The following RABGAP1L variants were observed in gnomAD, a reference collection of about 807,000 sequenced individuals.
RABGAP1L encodes rab GTPase-activating protein 1-like.
A neutral mutation model predicts 137.7 loss-of-function variants in RABGAP1L; 63 were observed. The ratio of observed to expected loss-of-function variants is 0.46; its 90% CI spans 0.37 to 0.56. RABGAP1L has a LOEUF of 0.56. Among genes scored for constraint, RABGAP1L ranks in the 20% least tolerant of loss-of-function variants. The pLI is 0.00. For synonymous variants in RABGAP1L, 431 were observed against 433.7 expected (o/e 0.99, Z 0.08); for missense variants, 1,095 against 1,244.0 (o/e 0.88, Z 1.80).
intron 15 of RABGAP1L, among the ~76,000 whole-genome samples, chr1:174,694,716 G>A (rs1295443617): frequency 6.6e-6 from 1 of 151,966 alleles, no homozygotes; most frequent in Non-Finnish European, 1.5e-5. Flanking sequence ...TATATACCGA[G>A]TAATGGGATG....
intron 13 of RABGAP1L, among the ~76,000 whole-genome samples, chr1:174,450,904 C>G (rs1046133102): frequency 6.6e-6 from 1 of 152,180 alleles, no homozygotes; most frequent in East Asian, 1.9e-4. Flanking sequence ...TGTTTGCACC[C>G]TGGTGGTTTG....
At chr1:174,866,897 T>G (rs1651348208) in intron 19 of RABGAP1L, among the ~76,000 whole-genome samples, 1 of 151,860 alleles carries the variant, frequency 6.6e-6, no homozygotes, top group Admixed American at 6.6e-5. Context: ...TGGACAATAG[T>G]GAGACCCTGT....
At chr1:174,342,030 G>A (rs1682019762) in intron 11 of RABGAP1L, among the ~76,000 whole-genome samples, 2 of 152,008 alleles carry the variant, frequency 1.3e-5, no homozygotes, top group Admixed American at 1.3e-4. Context: ...TTCAATTTAT[G>A]TGTAAGTATA....
intron 15 of RABGAP1L, among the ~76,000 whole-genome samples, chr1:174,689,782 T>G (rs1446489600): frequency 6.6e-6 from 1 of 152,096 alleles, no homozygotes; most frequent in Non-Finnish European, 1.5e-5. Flanking sequence ...GCCCAGGTCT[T>G]TAGTCAAGAT....
At chr1:174,185,226 A>G (rs532608969) in intron 1 of RABGAP1L, among the ~76,000 whole-genome samples, 21 of 152,320 alleles carry the variant, frequency 1.4e-4, no homozygotes, top group Admixed American at 7.8e-4. Context: ...TTTTAGATCT[A>G]TTAGGTTGGT....
chr1:174,713,647 AC>A (rs1302630675), intron 17 of RABGAP1L, among the ~76,000 whole-genome samples: 4 of 152,142 alleles, frequency 2.6e-5, no homozygotes, highest in Non-Finnish European at 5.9e-5. Context: ...TGAGGCCCTC[AC>A]CAGCAGCAGA....
chr1:174,750,597 G>A (rs867756045), intron 17 of RABGAP1L, among the ~76,000 whole-genome samples: 9 of 152,270 alleles, frequency 5.9e-5, no homozygotes, highest in Middle Eastern at 3.4e-3. Flanking sequence ...CAAGGTAGCT[G>A]AACATGGAGT....
chr1:174,902,412 G>T (rs888678277), intron 19 of RABGAP1L, among the ~76,000 whole-genome samples: 2 of 152,220 alleles, frequency 1.3e-5, no homozygotes, highest in African/African-American at 4.8e-5. Context: ...GTCTTAACTT[G>T]TGAGGTGCTG....
chr1:174,422,663 T>C (rs1001621030), intron 13 of RABGAP1L, among the ~76,000 whole-genome samples: 2 of 152,018 alleles, frequency 1.3e-5, no homozygotes, highest in African/African-American at 4.8e-5. Context: ...TTTAAGATTT[T>C]TTTTCTCTAG....
intron 1 of RABGAP1L, among the ~76,000 whole-genome samples, chr1:174,176,204 T>C (rs1393700999): frequency 6.6e-6 from 1 of 152,200 alleles, no homozygotes; most frequent in Non-Finnish European, 1.5e-5. Flanking sequence ...ATTCTACAGT[T>C]GGTAGTTTTA....
At chr1:174,898,745 T>A (rs954609179) in intron 19 of RABGAP1L, among the ~76,000 whole-genome samples, 2 of 152,210 alleles carry the variant, frequency 1.3e-5, no homozygotes, top group Non-Finnish European at 2.9e-5. Context: ...ATGTTAACAA[T>A]GTTTTAATAA....
chr1:174,917,809 C>T (rs1041046007), intron 19 of RABGAP1L, among the ~76,000 whole-genome samples: 3 of 151,826 alleles, frequency 2.0e-5, no homozygotes, highest in Non-Finnish European at 2.9e-5. Context: ...GGCGATTACC[C>T]GTGATCCCAG....
chr1:174,558,118 A>G (rs1666995545), intron 13 of RABGAP1L, among the ~76,000 whole-genome samples: 1 of 152,232 alleles, frequency 6.6e-6, no homozygotes, highest in African/African-American at 2.4e-5. Flanking sequence ...GAAGAGAGAA[A>G]AATTTTAAGT....
rs1671817046 is a variant in RABGAP1L at position 174,988,682 on chromosome 1, CAAG to C, written c.2848_2850del (p.Lys950del). The stretch of plus-strand genomic sequence containing the variant: ...GCAAACACTGCAGTGACATTTTCAG[CAAG>C]GAGGGTGCTTTGAAACTAGCAGCCA... On this transcript the variant is annotated inframe_deletion, in exon 25 of 26. Transcript: ENST00000681986. 2.3e-5 allele frequency: 35 copies of C among 1,547,968 alleles called. No homozygotes were observed. Among genetic ancestry groups the C allele is most frequent in the Non-Finnish European group, 2.9e-5 (33 of 1,145,844 alleles).
intron 13 of RABGAP1L, among the ~76,000 whole-genome samples, chr1:174,455,678 AATT>A (rs1655964544): frequency 6.6e-6 from 1 of 152,092 alleles, no homozygotes; most frequent in African/African-American, 2.4e-5. Flanking sequence ...ACATCTTCAC[AATT>A]ATTCATTTAC....
At chr1:174,360,666 A>G (rs1684061660) in intron 11 of RABGAP1L, among the ~76,000 whole-genome samples, 2 of 152,140 alleles carry the variant, frequency 1.3e-5, no homozygotes, top group Admixed American at 6.5e-5. Flanking sequence ...ACAGTATACA[A>G]CATCTGAGGA....
intron 13 of RABGAP1L, among the ~76,000 whole-genome samples, chr1:174,438,852 GT>G (rs909935009): frequency 6.8e-6 from 1 of 147,282 alleles, no homozygotes; most frequent in African/African-American, 2.5e-5. Context: ...CCTACTTTCT[GT>G]TTTTCAAGGC....
intron 11 of RABGAP1L, among the ~76,000 whole-genome samples, chr1:174,351,339 AT>A (rs1164784093): frequency 1.3e-5 from 2 of 151,980 alleles, no homozygotes; most frequent in African/African-American, 2.4e-5. Context: ...TCCCTTTAGC[AT>A]TTCTTGTCGG....
intron 11 of RABGAP1L, among the ~76,000 whole-genome samples, chr1:174,320,825 A>G (rs966385628): frequency 2.6e-5 from 4 of 152,124 alleles, no homozygotes; most frequent in Non-Finnish European, 4.4e-5. Flanking sequence ...AACTGCACAA[A>G]CTGTTCGTAA....
Sources: allele counts gnomAD v4.1 joint callset (sites outside exome capture counted in the v4.1 genomes callset), GRCh38; gene constraint gnomAD v4.1.1; transcripts MANE v1.5; gene names NCBI Gene and HGNC (gene_info 2026-07-23, HGNC 2026-07-21).